TBX18: variants seen among roughly 807,000 people sequenced by gnomAD.
The protein encoded by TBX18 is T-box transcription factor TBX18.
TBX18 carries 21 observed loss-of-function variants against 55.0 expected under a neutral mutation model. That is an observed-to-expected ratio of 0.38 (90% CI 0.27 to 0.55). TBX18 has a LOEUF of 0.55. Ranked by LOEUF, TBX18 falls within the 20% of genes least tolerant of loss-of-function variation. The probability of loss-of-function intolerance (pLI) is 0.73; values close to 1 mark genes in which losing one functional copy is unlikely to be tolerated. For missense variants in TBX18, 840 were observed against 799.6 expected, an observed-to-expected ratio of 1.05 and a Z score of -0.61; for synonymous variants, 342 against 326.1, an observed-to-expected ratio of 1.05 and a Z score of -0.53.
chr6:84,740,609 G>T (rs1767023437), intron 6 of TBX18, among the ~76,000 whole-genome samples: 1 of 152,074 alleles, frequency 6.6e-6, no homozygotes, highest in Non-Finnish European at 1.5e-5. Flanking sequence ...GTTTAACACT[G>T]GACTAATGAA....
intron 4 of TBX18, among the ~76,000 whole-genome samples, chr6:84,750,157 T>C (rs1469425714): frequency 6.6e-6 from 1 of 151,922 alleles, no homozygotes; most frequent in Non-Finnish European, 1.5e-5. Context: ...TGGTGGCACA[T>C]GCCTGTAGTC....
At position 84,737,322 on chromosome 6, in the gene TBX18, G is replaced by C; in HGVS notation, c.1187C>G (p.Ser396Cys). The C allele has an allele frequency of 6.3e-7, 1 of 1,595,600 alleles. No individual in the cohort carries two copies. Among genetic ancestry groups the C allele is most frequent in the Non-Finnish European group, 8.5e-7 (1 of 1,171,050 alleles). ...GGGCCCCAGATGGAAGGCAGGAGAG[G>C]AGCAAGAGGAGCCAGACAAAAGGTG... ...HPHLLSGSSC[S>C]SPAFHLGPNT... is the part of the protein sequence containing the mutation. Residue 396 changes from serine (S) to cysteine (C), a missense_variant, in exon 8 of 8, where the codon TCC (serine) becomes TGC (cysteine). By Grantham distance (112) the Ser-to-Cys change is moderately radical. Transcript: ENST00000369663.
intron 1 of TBX18, chr6:84,763,263 C>T: frequency 5.1e-6 from 2 of 395,194 alleles, no homozygotes; most frequent in Non-Finnish European, 9.9e-6. Flanking sequence ...TGGGCCGGGC[C>T]GGAGGCATCT....
chr6:84,747,519 G>A (rs745634223), intron 5 of TBX18, among the ~76,000 whole-genome samples: 19 of 152,078 alleles, frequency 1.2e-4, no homozygotes, highest in Non-Finnish European at 2.5e-4. Context: ...GACTATACAG[G>A]ATAAATGTTT....
chr6:84,764,471 G>A lies in TBX18; in HGVS notation c.-290C>T, dbSNP rs1767761852. On this transcript the variant is annotated 5_prime_UTR_variant, in exon 1 of 8. Coordinates refer to ENST00000369663, the MANE Select transcript of TBX18 (RefSeq NM_001080508.3). ...CCCTTCCACCTCCTCCTGCTGCTCC[G>A]AGGTCTGCCTCAACTGATGCGCCAG... The A allele has an allele frequency of 1.3e-5, 5 of 398,372 alleles. No homozygotes were observed. The Admixed American group carries it at 1.3e-4, about 11-fold the overall frequency. The allele number at this position is 398,372 out of a possible 1,614,324, so 24.7% of individuals were successfully genotyped here.
At chr6:84,751,578 G>A (rs1436893014) in intron 4 of TBX18, among the ~76,000 whole-genome samples, 2 of 152,162 alleles carry the variant, frequency 1.3e-5, no homozygotes, top group African/African-American at 4.8e-5. Flanking sequence ...AATGTCTCAT[G>A]TGGTCATGGG....
chr6:84,741,832 T>G (rs941077724), intron 6 of TBX18: 3 of 152,148 alleles, frequency 2.0e-5, no homozygotes, highest in Non-Finnish European at 4.4e-5. Flanking sequence ...AACCGTGCCC[T>G]CCACCAAGTC....
At chr6:84,751,426 A>G (rs994355716) in intron 4 of TBX18, among the ~76,000 whole-genome samples, 12 of 152,250 alleles carry the variant, frequency 7.9e-5, no homozygotes, top group Admixed American at 3.9e-4. Flanking sequence ...AGAAGCAACT[A>G]TCAATAGTAA....
At chr6:84,748,644 T>C (rs372387063) in intron 4 of TBX18, among the ~76,000 whole-genome samples, 10 of 152,236 alleles carry the variant, frequency 6.6e-5, no homozygotes, top group African/African-American at 2.4e-4. Flanking sequence ...CCAGTGTCTG[T>C]GCCTCTATCA....
Position 84,735,987 on chromosome 6 carries a change from TAAG to T in TBX18, c.*695_*697del, listed in dbSNP as rs1562254286. ...TGGAAATTTGTTCTCTACAGATGAATAAGAACCTCTTATGTGCCCAATGGAAAG... is the reference window on the plus strand; with the variant it reads ...TGGAAATTTGTTCTCTACAGATGAATAACCTCTTATGTGCCCAATGGAAAG... On this transcript the variant is annotated 3_prime_UTR_variant, in exon 8 of 8. Coordinates refer to ENST00000369663, the MANE Select transcript of TBX18 (RefSeq NM_001080508.3). 2 of 151,982 alleles carry T rather than the reference TAAG, an allele frequency of 1.3e-5. No individual in the cohort carries two copies. The highest frequency in any genetic ancestry group is 2.9e-5 in the Non-Finnish European group (2 of 67,984). 9.4% of individuals were successfully genotyped at this position (151,982 alleles called of 1,614,324 possible).
At chr6:84,760,692 T>C (rs1230565976) in intron 2 of TBX18, among the ~76,000 whole-genome samples, 1 of 152,206 alleles carries the variant, frequency 6.6e-6, no homozygotes, top group Non-Finnish European at 1.5e-5. Flanking sequence ...ACTTTAGTAA[T>C]ACAACTAATA....
chr6:84,748,030 A>G lies in TBX18; in HGVS notation c.829T>C (p.Cys277Arg), dbSNP rs1318219047. 6.2e-7 allele frequency: 1 copy of G among 1,613,650 alleles called. No homozygotes were observed. Among genetic ancestry groups the G allele is most frequent in the African/African-American group, 1.3e-5 (1 of 75,040 alleles). Residue 277 changes from cysteine (C) to arginine (R), a missense_variant, in exon 5 of 8, where the codon TGT becomes CGT. By Grantham distance (180) the Cys-to-Arg change is radical. Transcript: ENST00000369663. ...QPRVHVIRKDCGDDLSPIKPV... is the reference protein window; with the variant it reads ...QPRVHVIRKDRGDDLSPIKPV... The stretch of plus-strand genomic sequence containing the variant: ...TTGATGGGAGAAAGATCGTCTCCAC[A>G]GTCTTTACGGATGACGTGCACTCGC...
rs765219259 is a variant in TBX18 at position 84,737,263 on chromosome 6, C to T, written c.1246G>A (p.Asp416Asn). Residue 416 changes from aspartate (D) to asparagine (N), a missense_variant, in exon 8 of 8, where the codon GAC becomes AAC. By Grantham distance (23) the Asp-to-Asn change is conservative. Transcript: ENST00000369663. Reference sequence around the variant, plus strand: ...CCTGAGCGGGCACAGGCAGAATAGTCAGCAGGGGCCAGACTACACAGCTGG... The same window carrying T: ...CCTGAGCGGGCACAGGCAGAATAGTTAGCAGGGGCCAGACTACACAGCTGG... ...TSQLCSLAPA[D>N]YSACARSGLT... 1 of 1,608,576 alleles carries T rather than the reference C, an allele frequency of 6.2e-7. No homozygotes were observed. The highest frequency in any genetic ancestry group is 2.2e-5 in the East Asian group (1 of 44,822).
At chr6:84,748,671 A>C (rs1485274439) in intron 4 of TBX18, among the ~76,000 whole-genome samples, 2 of 152,204 alleles carry the variant, frequency 1.3e-5, no homozygotes. Context: ...GGCTTCCATT[A>C]CTCAGACTGC....
chr6:84,763,118 C>T, intron 1 of TBX18: 2 of 394,216 alleles, frequency 5.1e-6, no homozygotes, highest in Non-Finnish European at 9.5e-6. Flanking sequence ...CTCCCGGGTC[C>T]AGAGTCCCCA....
chr6:84,743,348 A>C (rs1252087916), intron 6 of TBX18, among the ~76,000 whole-genome samples: 1 of 152,238 alleles, frequency 6.6e-6, no homozygotes, highest in Non-Finnish European at 1.5e-5. Context: ...GAAAGAACTA[A>C]GAATCTGGAT....
chr6:84,755,915 T>C (rs1275927380), intron 4 of TBX18, among the ~76,000 whole-genome samples: 4 of 152,238 alleles, frequency 2.6e-5, no homozygotes, highest in Admixed American at 1.3e-4. Context: ...CTTTGAGAAA[T>C]AAACAAGTTG....
intron 5 of TBX18, among the ~76,000 whole-genome samples, chr6:84,744,732 T>G (rs902550741): frequency 2.6e-5 from 4 of 152,182 alleles, no homozygotes; most frequent in African/African-American, 4.8e-5. Flanking sequence ...GAGGAATAAC[T>G]CGTATCCAAC....
At chr6:84,743,941 G>A (rs1000520664) in intron 6 of TBX18, among the ~76,000 whole-genome samples, 1 of 152,166 alleles carries the variant, frequency 6.6e-6, no homozygotes, top group African/African-American at 2.4e-5. Flanking sequence ...CAATAGTAGA[G>A]GCAGAGAGGA....
Sources: gnomAD v4.1 joint callset for allele counts (sites outside exome capture counted in the v4.1 genomes callset) on GRCh38, gnomAD v4.1.1 for gene constraint, MANE v1.5 for transcripts, NCBI Gene and HGNC (gene_info 2026-07-23, HGNC 2026-07-21) for gene names.